Variants in RALGAPB observed in about 807,000 individuals in gnomAD.
RALGAPB encodes the protein ral GTPase-activating protein subunit beta.
RALGAPB carries 25 observed loss-of-function variants against 161.1 expected under a neutral mutation model. That is an observed-to-expected ratio of 0.16 (90% CI 0.11 to 0.22). The LOEUF is 0.22. Ranked by LOEUF, RALGAPB falls within the 10% of genes least tolerant of loss-of-function variation. RALGAPB has a pLI of 1.00. For missense variants in RALGAPB, 1,391 were observed against 1,815.2 expected, an observed-to-expected ratio of 0.77 and a Z score of 4.25; for synonymous variants, 629 against 626.1, an observed-to-expected ratio of 1.00 and a Z score of -0.07.
intron 6 of RALGAPB, among the ~76,000 whole-genome samples, chr20:38,511,965 C>G (rs1015369947): frequency 6.6e-6 from 1 of 152,116 alleles, no homozygotes; most frequent in African/African-American, 2.4e-5. Context: ...GGCTGCCCCC[C>G]ACCTCCCGGA....
chr20:38,558,076 T>C (rs190597365), intron 22 of RALGAPB, among the ~76,000 whole-genome samples: 9 of 152,232 alleles, frequency 5.9e-5, no homozygotes, highest in Admixed American at 1.3e-4. Context: ...ATATACACAA[T>C]ATAATCTCAG....
At chr20:38,554,418 G>A (rs1386277682) in intron 22 of RALGAPB, among the ~76,000 whole-genome samples, 1 of 152,128 alleles carries the variant, frequency 6.6e-6, no homozygotes, top group Non-Finnish European at 1.5e-5. Context: ...CCCCTAGTAA[G>A]CATTATTACT....
intron 20 of RALGAPB, 22 bp from the exon 21 acceptor site, chr20:38,551,049 A>G: frequency 6.2e-7 from 1 of 1,612,212 alleles, no homozygotes; most frequent in East Asian, 2.2e-5. Context: ...TGTAATAAAC[A>G]TAATGTTACT....
chr20:38,498,249 A>C (rs1040350423), intron 4 of RALGAPB, among the ~76,000 whole-genome samples: 3 of 152,204 alleles, frequency 2.0e-5, no homozygotes, highest in African/African-American at 7.2e-5. Context: ...CCAGTTTGCT[A>C]TTCATTAGCT....
intron 4 of RALGAPB, among the ~76,000 whole-genome samples, chr20:38,497,946 A>G (rs1600859659): frequency 6.6e-6 from 1 of 151,984 alleles, no homozygotes; most frequent in Admixed American, 6.6e-5. Flanking sequence ...GCACACACCT[A>G]TAATTCCAGC....
At chr20:38,531,125 C>G (rs777612904) in intron 13 of RALGAPB, 42 bp from the exon 14 acceptor site, 7 of 1,466,518 alleles carry the variant, frequency 4.8e-6, no homozygotes, top group Non-Finnish European at 6.7e-6. Context: ...TTTTAGTGTT[C>G]TTGTGTATTT....
chr20:38,566,975 C>G, intron 25 of RALGAPB, 121 bp from the exon 26 acceptor site: 2 of 1,434,484 alleles, frequency 1.4e-6, no homozygotes. Flanking sequence ...TCAGCCCTTG[C>G]TCTCGAAGCA....
At chr20:38,510,693 G>A (rs540384571) in intron 6 of RALGAPB, among the ~76,000 whole-genome samples, 10 of 120,270 alleles carry the variant, frequency 8.3e-5, no homozygotes, top group Non-Finnish European at 1.4e-4. Flanking sequence ...GGCGGATCAC[G>A]AGGTCAGGAG....
chr20:38,527,254 C>T (rs1315769753), intron 13 of RALGAPB, among the ~76,000 whole-genome samples: 2 of 152,092 alleles, frequency 1.3e-5, no homozygotes, highest in Non-Finnish European at 2.9e-5. Flanking sequence ...CCTTATGCCC[C>T]CAGAGGAGGT....
At chr20:38,535,311 T>G (rs753410789) in intron 16 of RALGAPB, 104 bp downstream of exon 16, 9 of 1,327,114 alleles carry the variant, frequency 6.8e-6, no homozygotes, top group South Asian at 2.8e-5. Flanking sequence ...TTGATCATGC[T>G]CAAACATAGT....
At chr20:38,522,155 G>A (rs1485013684) in intron 10 of RALGAPB, among the ~76,000 whole-genome samples, 1 of 152,212 alleles carries the variant, frequency 6.6e-6, no homozygotes, top group Non-Finnish European at 1.5e-5. Flanking sequence ...GGCATTCAGG[G>A]GAAGAAGCAG....
chr20:38,562,144 A>G (rs749703401), intron 23 of RALGAPB, among the ~76,000 whole-genome samples: 1 of 152,242 alleles, frequency 6.6e-6, no homozygotes, highest in Non-Finnish European at 1.5e-5. Flanking sequence ...TTGCATACCT[A>G]TGTAATGTTT....
At chr20:38,493,578 T>C (rs1382842281) in intron 3 of RALGAPB, among the ~76,000 whole-genome samples, 4 of 152,220 alleles carry the variant, frequency 2.6e-5, no homozygotes, top group Non-Finnish European at 5.9e-5. Context: ...CTTGATAGTT[T>C]GTTTCTGATT....
intron 23 of RALGAPB, among the ~76,000 whole-genome samples, chr20:38,558,989 G>A (rs139270040): frequency 6.6e-6 from 1 of 152,214 alleles, no homozygotes; most frequent in East Asian, 1.9e-4. Context: ...ATGGTAAGAA[G>A]TATTTTGTAC....
In RALGAPB at chr20:38,567,243, T is replaced by G; in HGVS notation, c.3954+11T>G. On this transcript the variant is annotated intron_variant, in intron 26 of 29. Coordinates refer to ENST00000262879, the MANE Select transcript of RALGAPB (RefSeq NM_020336.4). ...AATTCCTCACAGAGGGTAAGTTACT[T>G]TGTTGATAGGTCTCCAAAATTTTGT... 1 of 1,609,452 alleles carries G rather than the reference T, an allele frequency of 6.2e-7. No homozygotes were observed. The highest frequency in any genetic ancestry group is 8.5e-7 in the Non-Finnish European group (1 of 1,177,998).
intron 24 of RALGAPB, among the ~76,000 whole-genome samples, chr20:38,564,628 C>T (rs759101892): frequency 1.3e-5 from 2 of 152,006 alleles, no homozygotes; most frequent in Non-Finnish European, 2.9e-5. Context: ...AACTATATAG[C>T]TCTCATGAAT....
Position 38,575,183 on chromosome 20 carries a change from A to T in RALGAPB, c.*216A>T. On this transcript the variant is annotated 3_prime_UTR_variant, in exon 30 of 30. Coordinates refer to ENST00000262879, the MANE Select transcript of RALGAPB (RefSeq NM_020336.4). Reference sequence around the variant, plus strand: ...CAGACACAATCACACTCCTGCTGATAATGATGATATACATTTTAGCCATAA... The same window carrying T: ...CAGACACAATCACACTCCTGCTGATTATGATGATATACATTTTAGCCATAA... The T allele has an allele frequency of 2.0e-6, 1 of 508,306 alleles. No individual in the cohort carries two copies. Among genetic ancestry groups the T allele is most frequent in the Admixed American group, 3.6e-5 (1 of 27,664 alleles). 31.5% of individuals were successfully genotyped at this position (508,306 alleles called of 1,614,324 possible). A position where few individuals can be genotyped will look rare whatever the true frequency, so the allele number is the denominator to read the frequency against.
intron 6 of RALGAPB, among the ~76,000 whole-genome samples, chr20:38,513,474 TG>T (rs1055965758): frequency 9.4e-4 from 11 of 11,706 alleles, no homozygotes; most frequent in Non-Finnish European, 1.6e-3. Flanking sequence ...GCGGCGGCGG[TG>T]GGGGGTGGGG....
rs985135305 is a variant in RALGAPB, at chr20:38,547,256, T to C, written c.2902+826T>C. ...GTACATTTTTTTTTTCTGATGGTAA[T>C]TGGCATCAGCCAGTATGTAAAAGAA... On this transcript the variant is annotated intron_variant, in intron 19 of 29. Coordinates refer to ENST00000262879, the MANE Select transcript of RALGAPB (RefSeq NM_020336.4). 3 of 152,166 alleles carry C rather than the reference T, an allele frequency of 2.0e-5. No individual in the cohort carries two copies. In the East Asian group the frequency reaches 5.8e-4, roughly 29 times the overall value. 9.4% of individuals were successfully genotyped at this position (152,166 alleles called of 1,614,324 possible). A position where few individuals can be genotyped will look rare whatever the true frequency, so the allele number is the denominator to read the frequency against.
Sources: gnomAD v4.1 joint callset for allele counts (sites outside exome capture counted in the v4.1 genomes callset) on GRCh38, gnomAD v4.1.1 for gene constraint, MANE v1.5 for transcripts, NCBI Gene and HGNC (gene_info 2026-07-23, HGNC 2026-07-21) for gene names.